The following ZNF138 variants were observed in gnomAD, a reference collection of about 807,000 sequenced individuals.
ZNF138 encodes the protein zinc finger protein 138.
ZNF138 carries 33 observed loss-of-function variants against 33.0 expected under a neutral mutation model. The observed-to-expected ratio is 1.00, with a 90% CI of 0.76 to 1.34. ZNF138 has a LOEUF of 1.34. Among genes scored for constraint, ZNF138 ranks in the 40% most tolerant of loss-of-function variants. ZNF138 has a pLI of 0.00. For missense variants in ZNF138, 360 were observed against 370.8 expected (o/e 0.97, Z 0.24); for synonymous variants, 139 against 120.4 (o/e 1.15, Z -1.01).
At position 64,794,497 on chromosome 7, in the gene ZNF138, C is replaced by A; in HGVS notation, c.-72C>A. 1 of 1,606,972 alleles carries A rather than the reference C, an allele frequency of 6.2e-7. No homozygotes were observed. The highest frequency in any genetic ancestry group is 1.7e-5 in the Admixed American group (1 of 59,818). ...CGTCCTCTTACTCCTAGAGGCCCAG[C>A]CTCTGTGGCGCTGTGATCTGGTTAT... is the stretch of plus-strand genomic sequence containing the variant. On this transcript the variant is annotated 5_prime_UTR_variant, in exon 1 of 4. Coordinates refer to ENST00000307355, the MANE Select transcript of ZNF138 (RefSeq NM_001271639.2).
intron 3 of ZNF138, among the ~76,000 whole-genome samples, chr7:64,817,812 T>C (rs939778602): frequency 7.9e-5 from 12 of 152,112 alleles, no homozygotes; most frequent in African/African-American, 2.7e-4. Context: ...TTCAGACATT[T>C]AGAACAGTAT....
downstream of ZNF138, among the ~76,000 whole-genome samples, chr7:64,838,485 G>C (rs763681495): frequency 4.6e-5 from 7 of 152,174 alleles, no homozygotes; most frequent in Non-Finnish European, 1.0e-4. Flanking sequence ...TACCTCTCCT[G>C]CTGGGGCTCT....
intron 1 of ZNF138, among the ~76,000 whole-genome samples, chr7:64,803,837 A>T (rs1198076864): frequency 3.9e-5 from 6 of 152,228 alleles, no homozygotes; most frequent in African/African-American, 7.2e-5. Context: ...TTATTACAGT[A>T]GATATTAGTA....
chr7:64,850,339 A>C, the ZNF138 span, among the ~76,000 whole-genome samples: 1 of 152,186 alleles, frequency 6.6e-6, no homozygotes, highest in Admixed American at 6.5e-5. Flanking sequence ...CTTCCGTCAG[A>C]GGGTCTTTGG....
intron 3 of ZNF138, among the ~76,000 whole-genome samples, chr7:64,828,943 CTTA>C (rs2129014443): frequency 6.6e-6 from 1 of 152,126 alleles, no homozygotes; most frequent in East Asian, 1.9e-4. Context: ...ATTTACAACA[CTTA>C]TTATTTCAAC....
At chr7:64,812,797 A>T (rs1788281211) in intron 1 of ZNF138, among the ~76,000 whole-genome samples, 2 of 151,926 alleles carry the variant, frequency 1.3e-5, no homozygotes, top group South Asian at 4.2e-4. Context: ...TGTCCAGAGA[A>T]TCTCATCTGA....
At position 64,804,567 on chromosome 7, in the gene ZNF138, C is replaced by T. The variant is rs555883552; in HGVS notation, c.3+9996C>T. The stretch of plus-strand genomic sequence containing the variant: ...AGAGGCGGAGGTGGGTGGATCATTG[C>T]AGTCAGGAGTTCAAGACCAGCCTGG... On this transcript the variant is annotated intron_variant, in intron 1 of 3. Coordinates refer to ENST00000307355, the MANE Select transcript of ZNF138 (RefSeq NM_001271639.2). Among the ~76,000 whole-genome samples, 471 of 151,476 alleles carry T rather than the reference C, an allele frequency of 3.1e-3. 3 individuals carry two copies. The highest frequency in any genetic ancestry group is 4.1e-3 in the Non-Finnish European group (281 of 67,874).
At chr7:64,831,333 G>T in intron 3 of ZNF138, 118 bp from the exon 4 acceptor site, 1 of 993,728 alleles carries the variant, frequency 1.0e-6, no homozygotes, top group South Asian at 1.7e-5. Flanking sequence ...TAGAACCTGT[G>T]GTATTTTGCT....
the ZNF138 span, among the ~76,000 whole-genome samples, chr7:64,859,416 T>C: frequency 6.6e-6 from 1 of 152,246 alleles, no homozygotes; most frequent in Non-Finnish European, 1.5e-5. Flanking sequence ...GTCTGTTACT[T>C]GCATCAGGCA....
chr7:64,853,432 C>G, the ZNF138 span: 1 of 753,684 alleles, frequency 1.3e-6, no homozygotes, highest in South Asian at 1.9e-5. Context: ...TATGGATCCA[C>G]CGGCTCGCTT....
chr7:64,828,706 T>C (rs1467971011), intron 3 of ZNF138, among the ~76,000 whole-genome samples: 1 of 152,148 alleles, frequency 6.6e-6, no homozygotes, highest in Non-Finnish European at 1.5e-5. Context: ...ACATTTGTAC[T>C]CATACCAAAT....
chr7:64,815,088 T>C, intron 2 of ZNF138, 44 bp downstream of exon 2: 1 of 1,467,354 alleles, frequency 6.8e-7, no homozygotes, highest in Non-Finnish European at 9.0e-7. Flanking sequence ...ATCCTAAAGG[T>C]TTCATTTTTT....
At chr7:64,828,683 A>G (rs531017783) in intron 3 of ZNF138, among the ~76,000 whole-genome samples, 4 of 152,198 alleles carry the variant, frequency 2.6e-5, no homozygotes, top group Admixed American at 2.6e-4. Context: ...CTATTTTATT[A>G]GTCTACTTTT....
At chr7:64,813,439 T>G (rs957452072) in intron 1 of ZNF138, among the ~76,000 whole-genome samples, 27 of 150,962 alleles carry the variant, frequency 1.8e-4, no homozygotes, top group African/African-American at 6.3e-4. Flanking sequence ...AAAAATGATT[T>G]TTTTTTTTTT....
chr7:64,853,413 TG>T, the ZNF138 span: 1 of 944,618 alleles, frequency 1.1e-6, no homozygotes, highest in African/African-American at 1.7e-5. Flanking sequence ...GCGAGTTGGC[TG>T]GGTTCTTTAT....
chr7:64,840,942 G>T, the ZNF138 span, among the ~76,000 whole-genome samples: 2 of 152,070 alleles, frequency 1.3e-5, no homozygotes, highest in East Asian at 3.9e-4. Flanking sequence ...TTTTAATAAG[G>T]TGACTTATTA....
At chr7:64,814,224 CGAGTTTATT>C (rs1788423786) in intron 1 of ZNF138, 1 of 804,988 alleles carries the variant, frequency 1.2e-6, no homozygotes. Context: ...AACCAGATCT[CGAGTTTATT>C]GTACACATTA....
the ZNF138 span, among the ~76,000 whole-genome samples, chr7:64,844,103 C>A: frequency 0.82 from 124,930 of 152,220 alleles, 53,014 homozygotes; most frequent in South Asian, 0.97. Context: ...GATTACAGGC[C>A]TGAGCCACTG....
chr7:64,839,668 C>T, the ZNF138 span, among the ~76,000 whole-genome samples: 523 of 152,202 alleles, frequency 3.4e-3, 8 homozygotes, highest in African/African-American at 0.012. Flanking sequence ...TGTGACCTGG[C>T]GGCAAGTAAC....
Sources: allele counts gnomAD v4.1 joint callset (sites outside exome capture counted in the v4.1 genomes callset), GRCh38; gene constraint gnomAD v4.1.1; transcripts MANE v1.5; gene names NCBI Gene and HGNC (gene_info 2026-07-23, HGNC 2026-07-21).